Variants in MAP2K5 observed in about 807,000 individuals in gnomAD.
MAP2K5 encodes the protein mitogen-activated protein kinase kinase 5, also known as dual specificity mitogen-activated protein kinase kinase 5.
A neutral mutation model predicts 83.1 loss-of-function variants in MAP2K5; 49 were observed. That is an observed-to-expected ratio of 0.59 (90% CI 0.47 to 0.75). The LOEUF (loss-of-function observed/expected upper bound fraction) is 0.75. Ranked by LOEUF, MAP2K5 falls within the 30% of genes least tolerant of loss-of-function variation. The pLI, the probability that MAP2K5 is intolerant of heterozygous loss-of-function variation, is 0.00. For synonymous variants in MAP2K5, 202 were observed against 191.8 expected, an observed-to-expected ratio of 1.05 and a Z score of -0.44; for missense variants, 457 against 557.5, an observed-to-expected ratio of 0.82 and a Z score of 1.82.
At chr15:67,641,839 A>G (rs979956804) in intron 9 of MAP2K5, among the ~76,000 whole-genome samples, 3 of 152,180 alleles carry the variant, frequency 2.0e-5, no homozygotes, top group African/African-American at 7.2e-5. Context: ...ATTGCCTTCA[A>G]ATAAGGAATT....
At position 67,793,119 on chromosome 15, in the gene MAP2K5, G is replaced by A. The variant is rs1332412279; in HGVS notation, c.1243-13527G>A. 6.6e-6 allele frequency among the ~76,000 whole-genome samples: 1 copy of A among 152,132 alleles called. No homozygotes were observed. The highest frequency in any genetic ancestry group is 1.5e-5 in the Non-Finnish European group (1 of 68,026). On this transcript the variant is annotated intron_variant, in intron 21 of 21. Coordinates refer to ENST00000178640, the MANE Select transcript of MAP2K5 (RefSeq NM_145160.3). The surrounding 1 kb of genome is among the most constrained non-coding windows in gnomAD (Gnocchi z 4.6). ...CTCTATCCTCTTAAACAGATTACAT[G>A]CATCAGGATTTAATTTTTTACAAAG...
chr15:67,598,308 G>A (rs756956307), intron 7 of MAP2K5, among the ~76,000 whole-genome samples: 1 of 152,072 alleles, frequency 6.6e-6, no homozygotes, highest in Non-Finnish European at 1.5e-5. Context: ...ATAGGAACAC[G>A]TTGCTCACTT....
intron 11 of MAP2K5, among the ~76,000 whole-genome samples, chr15:67,655,140 A>G (rs1355205974): frequency 6.6e-6 from 1 of 151,882 alleles, no homozygotes; most frequent in Non-Finnish European, 1.5e-5. Context: ...TTATGCTATT[A>G]TTGTCATATA....
rs1247481678 is a variant in MAP2K5 at position 67,702,096 on chromosome 15, T to A, written c.973-1241T>A. On this transcript the variant is annotated intron_variant, in intron 15 of 21. Coordinates refer to ENST00000178640, the MANE Select transcript of MAP2K5 (RefSeq NM_145160.3). This position sits in a 1 kb window ranked among gnomAD's most constrained non-coding sequence, Gnocchi z 4.6. The stretch of plus-strand genomic sequence containing the variant: ...AAGTACCTAGCCCAGTGTCTGACAC[T>A]AGTAAGTGGTCATTAAATGATAGCT... 6.6e-6 allele frequency among the ~76,000 whole-genome samples: 1 copy of A among 152,248 alleles called. No homozygotes were observed. Among genetic ancestry groups the A allele is most frequent in the Non-Finnish European group, 1.5e-5 (1 of 68,040 alleles).
intron 16 of MAP2K5, among the ~76,000 whole-genome samples, chr15:67,706,686 C>T (rs2088562296): frequency 6.6e-6 from 1 of 152,100 alleles, no homozygotes; most frequent in East Asian, 1.9e-4. Flanking sequence ...GATTGTAGCC[C>T]CTGACCTCTA....
chr15:67,650,338 G>A (rs1445992440), intron 11 of MAP2K5, among the ~76,000 whole-genome samples: 1 of 151,982 alleles, frequency 6.6e-6, no homozygotes, highest in Non-Finnish European at 1.5e-5. Context: ...AATTACCCTG[G>A]CTAGAACCTT....
chr15:67,646,485 T>G lies in MAP2K5; in HGVS notation c.736+16T>G, dbSNP rs1020115124. ...TTCATGGATGGTGAGTTTTCCCTTT[T>G]ATAATACTTTTAAAATGATTTTTAG... On this transcript the variant is annotated intron_variant, in intron 11 of 21. Transcript: ENST00000178640. 2.8e-6 allele frequency: 4 copies of G among 1,446,970 alleles called. No homozygotes were observed. The highest frequency in any genetic ancestry group is 3.8e-6 in the Non-Finnish European group (4 of 1,045,512). 89.6% of individuals were successfully genotyped at this position (1,446,970 alleles called of 1,614,324 possible). A position where few individuals can be genotyped will look rare whatever the true frequency, so the allele number is the denominator to read the frequency against.
chr15:67,737,218 C>A (rs2089361053), intron 17 of MAP2K5, among the ~76,000 whole-genome samples: 1 of 152,220 alleles, frequency 6.6e-6, no homozygotes, highest in African/African-American at 2.4e-5. Flanking sequence ...CAGGTAATTG[C>A]TGACTGGCTA....
chr15:67,734,054 C>T lies in MAP2K5; in HGVS notation c.1074+6109C>T, dbSNP rs573715049. Among the ~76,000 whole-genome samples, 10 of 152,330 alleles carry T rather than the reference C, an allele frequency of 6.6e-5. No homozygotes were observed. The East Asian group carries it at 1.7e-3, about 26-fold the overall frequency. On this transcript the variant is annotated intron_variant, in intron 17 of 21. Transcript: ENST00000178640. ...TGTTTGATTTGGGAGCTTTGCCTTG[C>T]TTCAGCAGATTCTTGCTGTGCTGTG...
In MAP2K5 at chr15:67,652,283, A is replaced by G. The variant is rs749491245; in HGVS notation, c.736+5814A>G. On this transcript the variant is annotated intron_variant, in intron 11 of 21. Coordinates refer to ENST00000178640, the MANE Select transcript of MAP2K5 (RefSeq NM_145160.3). This position sits in a 1 kb window ranked among gnomAD's most constrained non-coding sequence, Gnocchi z 4.2. Reference sequence around the variant, plus strand: ...TACAAAAATTTTAACCTTATTAGCCATGATATTAGTCCATCTTGTGTTGCT... The same window carrying G: ...TACAAAAATTTTAACCTTATTAGCCGTGATATTAGTCCATCTTGTGTTGCT... 6.6e-6 allele frequency among the ~76,000 whole-genome samples: 1 copy of G among 152,150 alleles called. No individual in the cohort carries two copies. The highest frequency in any genetic ancestry group is 2.4e-5 in the African/African-American group (1 of 41,438).
rs4489954 is a variant in MAP2K5, at chr15:67,779,737, T to A, written c.1242+6985T>A. Among the ~76,000 whole-genome samples the A allele has an allele frequency of 9.2e-5, 14 of 152,116 alleles. No homozygotes were observed. The highest frequency in any genetic ancestry group is 1.8e-4 in the Non-Finnish European group (12 of 67,990). On this transcript the variant is annotated intron_variant, in intron 21 of 21. Coordinates refer to ENST00000178640, the MANE Select transcript of MAP2K5 (RefSeq NM_145160.3). The surrounding 1 kb of genome is among the most constrained non-coding windows in gnomAD (Gnocchi z 4.6). ...TTTCGTGTTTTATTGGACTGTCATCTTCCTAGTATCTTGTTTCAAGGCACA... is the reference window on the plus strand; with the variant it reads ...TTTCGTGTTTTATTGGACTGTCATCATCCTAGTATCTTGTTTCAAGGCACA...
intron 17 of MAP2K5, among the ~76,000 whole-genome samples, chr15:67,741,949 C>T (rs2089503211): frequency 6.7e-6 from 1 of 150,232 alleles, no homozygotes; most frequent in African/African-American, 2.5e-5. Flanking sequence ...GGCTGGAGTG[C>T]AGTGGCACGA....
In MAP2K5 at chr15:67,748,345, T is replaced by C. The variant is rs565267779; in HGVS notation, c.1101+88T>C. 2 of 1,186,040 alleles carry C rather than the reference T, an allele frequency of 1.7e-6. No homozygotes were observed. The highest frequency in any genetic ancestry group is 2.4e-5 in the East Asian group (1 of 42,390). 73.5% of individuals were successfully genotyped at this position (1,186,040 alleles called of 1,614,324 possible). A position where few individuals can be genotyped will look rare whatever the true frequency, so the allele number is the denominator to read the frequency against. On this transcript the variant is annotated intron_variant, in intron 18 of 21. Coordinates refer to ENST00000178640, the MANE Select transcript of MAP2K5 (RefSeq NM_145160.3). The surrounding 1 kb of genome is among the most constrained non-coding windows in gnomAD (Gnocchi z 4.0). ...ATGCTTGAATGCCTTGTTTTAAACT[T>C]AGCAAATTGCATTTTGAAGAAAATG... is the stretch of plus-strand genomic sequence containing the variant.
chr15:67,790,571 G>T lies in MAP2K5; in HGVS notation c.1243-16075G>T, dbSNP rs1053786433. 3.9e-5 allele frequency among the ~76,000 whole-genome samples: 6 copies of T among 152,096 alleles called. No homozygotes were observed. Among genetic ancestry groups the T allele is most frequent in the African/African-American group, 1.2e-4 (5 of 41,402 alleles). ...CATGGAATTCTAAACCCAGAAGTCT[G>T]CTCATTCTTGTTTTAAATGGGGAGC... is the stretch of plus-strand genomic sequence containing the variant. On this transcript the variant is annotated intron_variant, in intron 21 of 21. Coordinates refer to ENST00000178640, the MANE Select transcript of MAP2K5 (RefSeq NM_145160.3). The surrounding 1 kb of genome is among the most constrained non-coding windows in gnomAD (Gnocchi z 4.6).
At chr15:67,759,944 C>T (rs941896701) in intron 19 of MAP2K5, among the ~76,000 whole-genome samples, 1 of 152,142 alleles carries the variant, frequency 6.6e-6, no homozygotes, top group Non-Finnish European at 1.5e-5. Context: ...CCTGTCCTTT[C>T]GGCGATATTG....
rs2090353468 is a variant in MAP2K5 at position 67,782,930 on chromosome 15, G to C, written c.1242+10178G>C. Among the ~76,000 whole-genome samples, 1 of 152,212 alleles carries C rather than the reference G, an allele frequency of 6.6e-6. No individual in the cohort carries two copies. Among genetic ancestry groups the C allele is most frequent in the South Asian group, 2.1e-4 (1 of 4,830 alleles). On this transcript the variant is annotated intron_variant, in intron 21 of 21. Coordinates refer to ENST00000178640, the MANE Select transcript of MAP2K5 (RefSeq NM_145160.3). The surrounding 1 kb of genome is among the most constrained non-coding windows in gnomAD (Gnocchi z 4.9). ...ACGGCCCCCTTTTCAGCTCTCCTGT[G>C]CAGGCAGCAGTGCTGCATCATCTGG... is the stretch of plus-strand genomic sequence containing the variant.
chr15:67,580,855 T>C (rs1196547542), intron 4 of MAP2K5, 32 bp downstream of exon 4: 1 of 1,370,562 alleles, frequency 7.3e-7, no homozygotes, highest in Non-Finnish European at 1.0e-6. Flanking sequence ...TCAACAATGA[T>C]TATTTCAGTA....
chr15:67,588,816 T>A (rs575233746), intron 6 of MAP2K5, among the ~76,000 whole-genome samples: 11 of 152,244 alleles, frequency 7.2e-5, no homozygotes, highest in African/African-American at 1.4e-4. Context: ...AAAATGTTTT[T>A]ATTTTATTAC....
At position 67,690,691 on chromosome 15, in the gene MAP2K5, G is replaced by A. The variant is rs947265958; in HGVS notation, c.848-1788G>A. ...TGAGATTACAGGTGTCCGCCACCAC[G>A]CCCGGCTAATTTTTGTATTTTTAGT... is the stretch of plus-strand genomic sequence containing the variant. On this transcript the variant is annotated intron_variant, in intron 13 of 21. Coordinates refer to ENST00000178640, the MANE Select transcript of MAP2K5 (RefSeq NM_145160.3). This position sits in a 1 kb window ranked among gnomAD's most constrained non-coding sequence, Gnocchi z 4.3. Among the ~76,000 whole-genome samples, 19 of 151,832 alleles carry A rather than the reference G, an allele frequency of 1.3e-4. No homozygotes were observed. The highest frequency in any genetic ancestry group is 2.4e-4 in the African/African-American group (10 of 41,304).
Sources: gnomAD v4.1 joint callset for allele counts (sites outside exome capture counted in the v4.1 genomes callset) on GRCh38, gnomAD v4.1.1 for gene constraint, Gnocchi (gnomAD v3.1) non-coding constraint, MANE v1.5 for transcripts, NCBI Gene and HGNC (gene_info 2026-07-23, HGNC 2026-07-21) for gene names.